The following PCDH9 variants were observed in gnomAD, a reference collection of about 807,000 sequenced individuals.
PCDH9 encodes the protein protocadherin 9.
Under a neutral mutation model 70.6 loss-of-function variants are expected in PCDH9, and 24 were observed. The ratio of observed to expected loss-of-function variants is 0.34; its 90% CI spans 0.25 to 0.48. The LOEUF (loss-of-function observed/expected upper bound fraction) is 0.48, where lower values mean the gene tolerates loss of function less well. Among genes scored for constraint, PCDH9 ranks in the 20% least tolerant of loss-of-function variants. PCDH9 has a pLI of 0.99. For missense variants in PCDH9, 1,281 were observed against 1,503.6 expected (o/e 0.85, Z 2.45); for synonymous variants, 562 against 558.5 (o/e 1.01, Z -0.09).
chr13:67,029,330 A>G (rs1325265894), intron 2 of PCDH9, among the ~76,000 whole-genome samples: 1 of 152,206 alleles, frequency 6.6e-6, no homozygotes, highest in Non-Finnish European at 1.5e-5. Context: ...GCTACTTAAA[A>G]GGAATCTTAA....
intron 2 of PCDH9, among the ~76,000 whole-genome samples, chr13:67,175,493 G>C (rs898491840): frequency 6.6e-6 from 1 of 152,106 alleles, no homozygotes; most frequent in Non-Finnish European, 1.5e-5. Context: ...ATAGACAGCA[G>C]GTCTATACCC....
At chr13:66,674,178 A>C (rs1413832664) in intron 3 of PCDH9, among the ~76,000 whole-genome samples, 1 of 152,072 alleles carries the variant, frequency 6.6e-6, no homozygotes, top group Non-Finnish European at 1.5e-5. Flanking sequence ...AGATAATATA[A>C]CATTTTAAAA....
At chr13:67,019,832 CA>C (rs1326628183) in intron 2 of PCDH9, among the ~76,000 whole-genome samples, 1 of 152,138 alleles carries the variant, frequency 6.6e-6, no homozygotes, top group Non-Finnish European at 1.5e-5. Flanking sequence ...AGGTGAGTAC[CA>C]AGCACACTTC....
At chr13:67,195,307 G>A (rs928544310) in intron 2 of PCDH9, among the ~76,000 whole-genome samples, 4 of 151,910 alleles carry the variant, frequency 2.6e-5, no homozygotes, top group East Asian at 1.9e-4. Flanking sequence ...ACCACGCCCC[G>A]CTAATTATTT....
chr13:67,144,934 C>T (rs1458549429), intron 2 of PCDH9, among the ~76,000 whole-genome samples: 1 of 152,088 alleles, frequency 6.6e-6, no homozygotes, highest in African/African-American at 2.4e-5. Context: ...ACTTTAACCC[C>T]CTTAATTCCT....
intron 3 of PCDH9, among the ~76,000 whole-genome samples, chr13:66,763,096 G>C (rs917704347): frequency 1.3e-5 from 2 of 151,836 alleles, no homozygotes; most frequent in African/African-American, 4.8e-5. Flanking sequence ...CTTCCAAGTA[G>C]CTGGAACTAT....
At chr13:67,154,605 TACACACACACAC>T (rs765270091) in intron 2 of PCDH9, among the ~76,000 whole-genome samples, 26 of 93,284 alleles carry the variant, frequency 2.8e-4, no homozygotes, top group Admixed American at 6.4e-4. Flanking sequence ...AATATATATA[TACACACACACAC>T]ACACACACAC....
intron 3 of PCDH9, among the ~76,000 whole-genome samples, chr13:66,760,754 T>A (rs2139248431): frequency 6.6e-6 from 1 of 152,196 alleles, no homozygotes; most frequent in South Asian, 2.1e-4. Flanking sequence ...AGGAGAAATA[T>A]CACTGAATTA....
Position 66,978,869 on chromosome 13 carries a change from T to C in PCDH9, c.3037-75264A>G, listed in dbSNP as rs556673725. Among the ~76,000 whole-genome samples, 13 of 151,202 alleles carry C rather than the reference T, an allele frequency of 8.6e-5. No homozygotes were observed. In the East Asian group the frequency reaches 2.5e-3, roughly 29 times the overall value. ...GTATATATGTATATTTATATATGCA[T>C]ATGTATGAAGTTATTAAGGCCAAAA... On this transcript the variant is annotated intron_variant, in intron 2 of 4. Transcript: ENST00000377865.
At chr13:66,636,704 T>G (rs2077642720) in intron 3 of PCDH9, among the ~76,000 whole-genome samples, 1 of 152,092 alleles carries the variant, frequency 6.6e-6, no homozygotes, top group South Asian at 2.1e-4. Flanking sequence ...TGAGCAATAA[T>G]ATGTCATTTA....
chr13:66,838,914 CA>C (rs925813314), intron 3 of PCDH9, among the ~76,000 whole-genome samples: 22 of 151,232 alleles, frequency 1.5e-4, no homozygotes, highest in Non-Finnish European at 7.4e-5. Flanking sequence ...AATTCAGAAC[CA>C]AAAAAAGGCA....
intron 2 of PCDH9, among the ~76,000 whole-genome samples, chr13:67,076,664 A>G (rs190764032): frequency 1.3e-5 from 2 of 152,284 alleles, no homozygotes; most frequent in Admixed American, 1.3e-4. Context: ...ATGAATCAGC[A>G]TCTGCAAAGT....
At chr13:66,404,682 A>G (rs772302789) in intron 4 of PCDH9, among the ~76,000 whole-genome samples, 1 of 152,186 alleles carries the variant, frequency 6.6e-6, no homozygotes, top group Non-Finnish European at 1.5e-5. Flanking sequence ...ATGTAGTTGT[A>G]AACCTTATAA....
At chr13:67,143,874 G>A (rs944985577) in intron 2 of PCDH9, among the ~76,000 whole-genome samples, 4 of 152,136 alleles carry the variant, frequency 2.6e-5, no homozygotes, top group African/African-American at 7.2e-5. Flanking sequence ...TTAGGAAGAC[G>A]ATGAAAGGGA....
intron 3 of PCDH9, among the ~76,000 whole-genome samples, chr13:66,819,895 CA>C (rs549958953): frequency 6.6e-6 from 1 of 151,876 alleles, no homozygotes; most frequent in Non-Finnish European, 1.5e-5. Flanking sequence ...GACTCTCTTT[CA>C]AAAATAAATT....
chr13:66,481,022 A>G (rs1958825265), intron 4 of PCDH9, among the ~76,000 whole-genome samples: 1 of 152,120 alleles, frequency 6.6e-6, no homozygotes, highest in Non-Finnish European at 1.5e-5. Context: ...GACATGGATG[A>G]AGCTGGAAAT....
At chr13:66,973,462 G>A (rs905268703) in intron 2 of PCDH9, among the ~76,000 whole-genome samples, 5 of 151,920 alleles carry the variant, frequency 3.3e-5, no homozygotes, top group African/African-American at 1.2e-4. Flanking sequence ...TAGAAAAGGA[G>A]GAGGAAACGA....
chr13:66,537,610 G>A (rs1960764858), intron 4 of PCDH9, among the ~76,000 whole-genome samples: 1 of 152,010 alleles, frequency 6.6e-6, no homozygotes, highest in Non-Finnish European at 1.5e-5. Context: ...GAGATATGTG[G>A]GGTAATGAGG....
At chr13:66,759,104 T>C (rs150509420) in intron 3 of PCDH9, among the ~76,000 whole-genome samples, 131 of 152,162 alleles carry the variant, frequency 8.6e-4, no homozygotes, top group African/African-American at 3.0e-3. Context: ...TTTTTTAATC[T>C]CTATTTTATC....
Sources: gnomAD v4.1 joint callset for allele counts (sites outside exome capture counted in the v4.1 genomes callset) on GRCh38, gnomAD v4.1.1 for gene constraint, MANE v1.5 for transcripts, NCBI Gene and HGNC (gene_info 2026-07-23, HGNC 2026-07-21) for gene names.